The following RNF130 variants were observed in gnomAD, a reference collection of about 807,000 sequenced individuals.
The protein encoded by RNF130 is E3 ubiquitin-protein ligase RNF130.
A neutral mutation model predicts 44.6 loss-of-function variants in RNF130; 21 were observed. The ratio of observed to expected loss-of-function variants is 0.47; its 90% CI spans 0.33 to 0.68. RNF130 has a LOEUF of 0.68. Among genes scored for constraint, RNF130 ranks in the 30% least tolerant of loss-of-function variants. The probability of loss-of-function intolerance (pLI) is 0.02; values close to 1 mark genes in which losing one functional copy is unlikely to be tolerated. For missense variants in RNF130, 479 were observed against 560.6 expected, an observed-to-expected ratio of 0.85 and a Z score of 1.47; for synonymous variants, 214 against 210.4, an observed-to-expected ratio of 1.02 and a Z score of -0.15.
chr5:179,913,139 C>T (rs1208669425), exon 8 of RNF130: 3 of 152,288 alleles, frequency 2.0e-5, no homozygotes, highest in Non-Finnish European at 4.4e-5. Context: ...AATGCACGTG[C>T]GCTGGGCAAG....
intron 7 of RNF130, among the ~76,000 whole-genome samples, chr5:179,949,645 T>C (rs1241185578): frequency 6.6e-6 from 1 of 152,252 alleles, no homozygotes; most frequent in Non-Finnish European, 1.5e-5. Flanking sequence ...TTCAACTTTA[T>C]ACATTGCTTC....
chr5:179,940,483 C>T (rs988827909), intron 7 of RNF130, among the ~76,000 whole-genome samples: 1 of 152,100 alleles, frequency 6.6e-6, no homozygotes, highest in African/African-American at 2.4e-5. Flanking sequence ...ATGATCCTCC[C>T]GCTTTGGCCT....
At chr5:179,963,081 C>T (rs796349972) in intron 8 of RNF130, among the ~76,000 whole-genome samples, 1 of 152,350 alleles carries the variant, frequency 6.6e-6, no homozygotes, top group African/African-American at 2.4e-5. Flanking sequence ...TCCCCAGAAG[C>T]TAGACATGCC....
intron 3 of RNF130, among the ~76,000 whole-genome samples, chr5:179,996,393 T>G (rs1416011879): frequency 6.6e-6 from 1 of 152,240 alleles, no homozygotes; most frequent in African/African-American, 2.4e-5. Flanking sequence ...ATCCTGTGTT[T>G]TTCCACATCT....
downstream of RNF130, among the ~76,000 whole-genome samples, chr5:179,951,462 C>T (rs1409598136): frequency 1.3e-5 from 2 of 151,462 alleles, no homozygotes; most frequent in Admixed American, 6.6e-5. Flanking sequence ...CGGCTCATTG[C>T]AAACTCCGCC....
In RNF130 at chr5:179,986,988, T is replaced by A. The variant is rs113903683; in HGVS notation, c.694-6788A>T. The stretch of plus-strand genomic sequence containing the variant: ...TGGTGTACAGAAATGATACTAACTT[T>A]TGTACACAAACTTTGTATTCTCCAA... On this transcript the variant is annotated intron_variant, in intron 3 of 8. Transcript: ENST00000521389. 4.6e-5 allele frequency among the ~76,000 whole-genome samples: 7 copies of A among 152,356 alleles called. 1 individual carries two copies. The highest frequency in any genetic ancestry group is 1.7e-4 in the African/African-American group (7 of 41,586).
chr5:180,010,972 G>A (rs538257535), intron 3 of RNF130, among the ~76,000 whole-genome samples: 1 of 152,280 alleles, frequency 6.6e-6, no homozygotes, highest in Admixed American at 6.5e-5. Flanking sequence ...CAATTTCCAG[G>A]TTATGATACT....
At chr5:180,030,761 T>C (rs1049873638) in intron 2 of RNF130, among the ~76,000 whole-genome samples, 16 of 152,354 alleles carry the variant, frequency 1.1e-4, no homozygotes, top group East Asian at 3.9e-4. Context: ...TTGACTTTCT[T>C]AGACATTTCA....
chr5:180,017,858 T>G (rs1225627645), intron 2 of RNF130, among the ~76,000 whole-genome samples: 4 of 152,224 alleles, frequency 2.6e-5, no homozygotes, highest in Non-Finnish European at 5.9e-5. Flanking sequence ...TTAACCTCTT[T>G]GAACTTCAGT....
intron 3 of RNF130, among the ~76,000 whole-genome samples, chr5:180,006,627 T>C (rs1763468089): frequency 6.6e-6 from 1 of 152,246 alleles, no homozygotes; most frequent in South Asian, 2.1e-4. Context: ...GTCCATTAAG[T>C]GGCAGAATAT....
intron 7 of RNF130, among the ~76,000 whole-genome samples, chr5:179,937,202 C>T (rs1275705131): frequency 2.0e-5 from 3 of 152,062 alleles, no homozygotes; most frequent in Non-Finnish European, 1.5e-5. Context: ...ATCATCAAAA[C>T]GAAATATCAT....
intron 1 of RNF130, among the ~76,000 whole-genome samples, chr5:180,047,672 AG>A (rs1460071535): frequency 6.6e-6 from 1 of 152,118 alleles, no homozygotes; most frequent in Non-Finnish European, 1.5e-5. Flanking sequence ...TGAACCTGGG[AG>A]GCAGAGGTTG....
chr5:180,052,408 T>C (rs2113161848), intron 1 of RNF130, among the ~76,000 whole-genome samples: 1 of 152,324 alleles, frequency 6.6e-6, no homozygotes, highest in Admixed American at 6.5e-5. Context: ...AGTGGCCATA[T>C]GGAGACTCAA....
intron 3 of RNF130, among the ~76,000 whole-genome samples, chr5:179,987,519 G>A (rs561559317): frequency 6.6e-6 from 1 of 152,350 alleles, no homozygotes; most frequent in African/African-American, 2.4e-5. Flanking sequence ...CCAGCACTAT[G>A]TGGAACAGAG....
At chr5:179,997,174 C>T (rs1302222682) in intron 3 of RNF130, among the ~76,000 whole-genome samples, 1 of 152,080 alleles carries the variant, frequency 6.6e-6, no homozygotes, top group Non-Finnish European at 1.5e-5. Flanking sequence ...CAGGGTCTTG[C>T]TCTGTTGCCC....
chr5:179,981,780 C>A (rs994566692), intron 3 of RNF130, among the ~76,000 whole-genome samples: 1 of 152,224 alleles, frequency 6.6e-6, no homozygotes, highest in Non-Finnish European at 1.5e-5. Flanking sequence ...TTGTTTGAAT[C>A]AAGATACAAA....
In RNF130 at chr5:179,983,546, T is replaced by C. The variant is rs2113721860; in HGVS notation, c.694-3346A>G. On this transcript the variant is annotated intron_variant, in intron 3 of 8. Coordinates refer to ENST00000521389, the MANE Select transcript of RNF130 (RefSeq NM_018434.6). ...TCCTGTCCTGATTTCTGAGGCTTTG[T>C]AATAGATCTGAAATTAGGTGGTGTT... Among the ~76,000 whole-genome samples the C allele has an allele frequency of 1.3e-5, 2 of 152,354 alleles. 1 individual carries two copies. Among genetic ancestry groups the C allele is most frequent in the South Asian group, 4.1e-4 (2 of 4,834 alleles).
At chr5:179,980,927 T>C (rs1762820123) in intron 3 of RNF130, among the ~76,000 whole-genome samples, 1 of 151,982 alleles carries the variant, frequency 6.6e-6, no homozygotes, top group Admixed American at 6.6e-5. Context: ...CTGGGACAGC[T>C]GCGTTAATGG....
chr5:180,070,675 AAAGG>A (rs1765232929), intron 1 of RNF130, among the ~76,000 whole-genome samples: 1 of 152,252 alleles, frequency 6.6e-6, no homozygotes, highest in Non-Finnish European at 1.5e-5. Flanking sequence ...ACGATGTGCA[AAAGG>A]TTTCTTTCAA....
Sources: allele counts gnomAD v4.1 joint callset (sites outside exome capture counted in the v4.1 genomes callset), GRCh38; gene constraint gnomAD v4.1.1; transcripts MANE v1.5; gene names NCBI Gene and HGNC (gene_info 2026-07-23, HGNC 2026-07-21).